NPHP3: variants seen among roughly 807,000 people sequenced by gnomAD.
NPHP3 encodes the protein nephrocystin-3.
Under a neutral mutation model 171.9 loss-of-function variants are expected in NPHP3, and 123 were observed. That is an observed-to-expected ratio of 0.72 (90% CI 0.62 to 0.83). The LOEUF is 0.83. NPHP3 is among the 40% of genes least tolerant of loss of function. The pLI is 0.00. For missense variants in NPHP3, 1,506 were observed against 1,591.9 expected (o/e 0.95, Z 0.92); for synonymous variants, 558 against 579.2 (o/e 0.96, Z 0.52).
chr3:132,715,271 C>A (rs1940019146), intron 4 of NPHP3, 53 bp from the exon 5 acceptor site: 4 of 1,542,308 alleles, frequency 2.6e-6, no homozygotes, highest in Admixed American at 3.3e-5. Flanking sequence ...CACATTTGAT[C>A]ATTCTAAAAA....
At chr3:132,702,696 C>A (rs1939644596) in intron 9 of NPHP3, among the ~76,000 whole-genome samples, 1 of 152,126 alleles carries the variant, frequency 6.6e-6, no homozygotes, top group East Asian at 1.9e-4. Context: ...TATAGTTTTT[C>A]AATCAATTTT....
intron 1 of NPHP3, 50 bp downstream of exon 1, chr3:132,721,913 G>T: frequency 1.9e-6 from 3 of 1,598,818 alleles, no homozygotes; most frequent in Non-Finnish European, 2.6e-6. Flanking sequence ...GGAGCAGGAC[G>T]GCCGTGCTTC....
chr3:132,688,743 G>A lies in NPHP3; in HGVS notation c.3032C>T (p.Ala1011Val), dbSNP rs202145723. ...FGNAEQLYKQ[A>V]LEISENAYGA... is the part of the protein sequence containing the mutation. ...ATAAGCATTTTCTGAGATTTCCAAC[G>A]CCTGTTTATACAGTTGTTCTGCATT... is the stretch of plus-strand genomic sequence containing the variant. Residue 1011 changes from alanine (A) to valine (V), a missense_variant, in exon 21 of 27, where the codon GCG becomes GTG. By Grantham distance (64) the Ala-to-Val change is moderately conservative. Around this residue, in one of 3 missense-constraint regions of NPHP3, gnomAD observed 569 missense variants for 648.1 expected, o/e 0.88. Coordinates refer to ENST00000337331, the MANE Select transcript of NPHP3 (RefSeq NM_153240.5). 50 of 1,613,916 alleles carry A rather than the reference G, an allele frequency of 3.1e-5. No individual in the cohort carries two copies. Among genetic ancestry groups the A allele is most frequent in the Admixed American group, 2.0e-4 (12 of 59,996 alleles).
intron 5 of NPHP3, among the ~76,000 whole-genome samples, chr3:132,714,683 T>C (rs1341368479): frequency 6.6e-6 from 1 of 152,114 alleles, no homozygotes; most frequent in Non-Finnish European, 1.5e-5. Context: ...GAGCTATGAC[T>C]GTGCCACTGC....
intron 9 of NPHP3, among the ~76,000 whole-genome samples, chr3:132,703,895 C>T (rs1425460867): frequency 6.6e-6 from 1 of 152,130 alleles, no homozygotes; most frequent in African/African-American, 2.4e-5. Context: ...CCTTACTATC[C>T]TTATCAAGTT....
At position 132,688,709 on chromosome 3, in the gene NPHP3, G is replaced by T; in HGVS notation, c.3066C>A (p.Asp1022Glu). Residue 1022 changes from aspartate (D) to glutamate (E), a missense_variant, in exon 21 of 27, where the codon GAC becomes GAA. Asp to Glu is a conservative substitution (Grantham distance 45). Coordinates refer to ENST00000337331, the MANE Select transcript of NPHP3 (RefSeq NM_153240.5). ...CAAGTTCACGAGCAGTATATGGATGGTCCGCACCATAAGCATTTTCTGAGA... is the reference window on the plus strand; with the variant it reads ...CAAGTTCACGAGCAGTATATGGATGTTCCGCACCATAAGCATTTTCTGAGA... ...LEISENAYGA[D>E]HPYTARELEA... is the part of the protein sequence containing the mutation. 1 of 1,614,078 alleles carries T rather than the reference G, an allele frequency of 6.2e-7. No individual in the cohort carries two copies. Among genetic ancestry groups the T allele is most frequent in the Non-Finnish European group, 8.5e-7 (1 of 1,179,966 alleles).
chr3:132,696,860 C>A (rs1414263062), intron 14 of NPHP3, 47 bp from the exon 15 acceptor site: 1 of 1,489,694 alleles, frequency 6.7e-7, no homozygotes, highest in African/African-American at 1.4e-5. Context: ...CAAAAACCAC[C>A]CTGGAATTAA....
chr3:132,687,152 A>G lies in NPHP3; in HGVS notation c.3200T>C (p.Leu1067Ser). ...HQKAIKKKGN[L>S]YGFALLRRRA... ...AACACAAAAGAAATCTCTCCTTACC[A>G]AGTTGCCTTTTTTCTTTATAGCTTT... Residue 1067 changes from leucine to serine, a missense_variant and splice_region_variant, in exon 22 of 27, where the codon TTG becomes TCG. Physicochemically the swap from Leu to Ser is moderately radical, Grantham distance 145 (BLOSUM62 -2). Around this residue, in one of 3 missense-constraint regions of NPHP3, gnomAD observed 569 missense variants for 648.1 expected, o/e 0.88. Coordinates refer to ENST00000337331, the MANE Select transcript of NPHP3 (RefSeq NM_153240.5). The G allele has an allele frequency of 7.0e-7, 1 of 1,434,740 alleles. No homozygotes were observed. Among genetic ancestry groups the G allele is most frequent in the Non-Finnish European group, 9.8e-7 (1 of 1,019,256 alleles). The allele number at this position is 1,434,740 out of a possible 1,614,324, so 88.9% of individuals were successfully genotyped here.
intron 6 of NPHP3, among the ~76,000 whole-genome samples, chr3:132,712,091 TTATCTC>T (rs201555686): frequency 0.02 from 3,107 of 152,348 alleles, 54 homozygotes; most frequent in Middle Eastern, 0.041. Flanking sequence ...ATTTTGTCCT[TTATCTC>T]TATATCTAAC....
chr3:132,715,181 A>G lies in NPHP3; in HGVS notation c.861T>C (p.Val287=). ...WDIAVASLLQ[V]TPLFSHSLWS... The stretch of plus-strand genomic sequence containing the variant: ...ACAGAGAATGTGAAAACAGAGGAGT[A>G]ACTTGTAATAAACTAGCTACAGCAA... Residue 287 remains valine, a synonymous_variant, in exon 5 of 27, where the codon GTT becomes GTC. Transcript: ENST00000337331. 6.2e-7 allele frequency: 1 copy of G among 1,612,080 alleles called. No individual in the cohort carries two copies. The highest frequency in any genetic ancestry group is 8.5e-7 in the Non-Finnish European group (1 of 1,178,220).
At chr3:132,696,897 A>C in intron 14 of NPHP3, 84 bp from the exon 15 acceptor site, 1 of 1,022,378 alleles carries the variant, frequency 9.8e-7, no homozygotes, top group South Asian at 1.3e-5. Context: ...AGCCATCAAC[A>C]AGTACCCCGA....
chr3:132,694,392 CACAT>C (rs1458467401), intron 16 of NPHP3, among the ~76,000 whole-genome samples: 1 of 150,972 alleles, frequency 6.6e-6, no homozygotes, highest in African/African-American at 2.4e-5. Flanking sequence ...CACACACACA[CACAT>C]ATATATATGA....
In NPHP3 at chr3:132,681,490, A is replaced by G. The variant is rs1250765593; in HGVS notation, c.*420T>C. On this transcript the variant is annotated 3_prime_UTR_variant, in exon 27 of 27. Coordinates refer to ENST00000337331, the MANE Select transcript of NPHP3 (RefSeq NM_153240.5). ...ACCATGTTGGCCAGGCTGGTCTCCA[A>G]CTCCTGGCCTCAAGTGATCCTCCTG... 2.4e-5 allele frequency: 5 copies of G among 204,568 alleles called. No homozygotes were observed. Among genetic ancestry groups the G allele is most frequent in the Non-Finnish European group, 5.0e-5 (5 of 100,056 alleles). The allele number at this position is 204,568 out of a possible 1,614,324, so 12.7% of individuals were successfully genotyped here. A position where few individuals can be genotyped will look rare whatever the true frequency, so the allele number is the denominator to read the frequency against.
In NPHP3 at chr3:132,700,334, C is replaced by G; in HGVS notation, c.1743G>C (p.Lys581Asn). The change falls in exon 11 of 27, where the codon AAG (lysine) becomes AAC (asparagine). Residue 581 changes from lysine (K) to asparagine (N), a missense_variant and splice_region_variant. This residue lies in a region of NPHP3 where 930 missense variants were observed against 924.9 expected (regional missense o/e 1.01). Coordinates refer to ENST00000337331, the MANE Select transcript of NPHP3 (RefSeq NM_153240.5). The stretch of plus-strand genomic sequence containing the variant: ...AATTCCAAAAGATGGGATACTATAC[C>G]TTTAGAGTTAGTCGTTTAATAATCA... Reference protein sequence around the residue: ...SSLIIKRLTLKLMQHSWSVSA... With the variant: ...SSLIIKRLTLNLMQHSWSVSA... 1 of 1,581,944 alleles carries G rather than the reference C, an allele frequency of 6.3e-7. No individual in the cohort carries two copies. Among genetic ancestry groups the G allele is most frequent in the Non-Finnish European group, 8.7e-7 (1 of 1,151,006 alleles).
chr3:132,706,567 A>G (rs962070728), intron 7 of NPHP3, among the ~76,000 whole-genome samples: 2 of 152,150 alleles, frequency 1.3e-5, no homozygotes, highest in Non-Finnish European at 2.9e-5. Flanking sequence ...AGCTGGCTGA[A>G]AGAAGAATGC....
At chr3:132,714,921 T>C (rs1395870284) in intron 5 of NPHP3, among the ~76,000 whole-genome samples, 164 bp downstream of exon 5, 2 of 152,210 alleles carry the variant, frequency 1.3e-5, no homozygotes, top group African/African-American at 4.8e-5. Flanking sequence ...ACATATAATA[T>C]TGAACAATAT....
chr3:132,703,680 A>G (rs1324997438), intron 9 of NPHP3, among the ~76,000 whole-genome samples: 1 of 151,000 alleles, frequency 6.6e-6, no homozygotes, highest in Non-Finnish European at 1.5e-5. Context: ...CCTGTGCTCA[A>G]TTGATCCTCC....
At chr3:132,719,916 A>AAG in intron 1 of NPHP3, 86 bp from the exon 2 acceptor site, 1 of 504,612 alleles carries the variant, frequency 2.0e-6, no homozygotes, top group Non-Finnish European at 2.9e-6. Flanking sequence ...ATATATATAT[A>AAG]TATGTTACGT....
At position 132,719,816 on chromosome 3, in the gene NPHP3, C is replaced by T. The variant is rs141410951; in HGVS notation, c.408G>A (p.Thr136=). Reference sequence around the variant, plus strand: ...CTTTTTCTCGAAGTATCTTCTGATACGTTTTTTGAAGTGCCTAGAATAATT... The same window carrying T: ...CTTTTTCTCGAAGTATCTTCTGATATGTTTTTTGAAGTGCCTAGAATAATT... The part of the protein sequence containing the change: ...LRAELQALQK[T]YQKILREKES... The change falls in exon 2 of 27, where the codon ACG becomes ACA. Residue 136 remains threonine (T), a synonymous_variant. Transcript: ENST00000337331. The T allele has an allele frequency of 1.7e-4, 264 of 1,588,844 alleles. No homozygotes were observed. Among genetic ancestry groups the T allele is most frequent in the African/African-American group, 6.3e-4 (47 of 74,578 alleles).
Sources: allele counts gnomAD v4.1 joint callset (sites outside exome capture counted in the v4.1 genomes callset), GRCh38; gene constraint gnomAD v4.1.1; regional missense constraint gnomAD v4.1.1; transcripts MANE v1.5; gene names NCBI Gene and HGNC (gene_info 2026-07-23, HGNC 2026-07-21).